The following ADCY4 variants were observed in gnomAD, a reference collection of about 807,000 sequenced individuals.
The protein encoded by ADCY4 is adenylate cyclase 4.
A neutral mutation model predicts 125.5 loss-of-function variants in ADCY4; 111 were observed. The observed-to-expected ratio is 0.88, with a 90% CI of 0.76 to 1.04. The LOEUF is 1.04. Among genes scored for constraint, ADCY4 ranks in the 50% least tolerant of loss-of-function variants. The pLI is 0.00. For missense variants in ADCY4, 1,256 were observed against 1,382.9 expected, an observed-to-expected ratio of 0.91 and a Z score of 1.46; for synonymous variants, 576 against 586.9, an observed-to-expected ratio of 0.98 and a Z score of 0.27.
intron 14 of ADCY4, among the ~76,000 whole-genome samples, 169 bp from the exon 15 acceptor site, chr14:24,324,560 T>C (rs1026188200): frequency 2.1e-4 from 32 of 151,858 alleles, no homozygotes; most frequent in African/African-American, 7.0e-4. Context: ...ATGATCTGGG[T>C]TGGCTGGCTT....
chr14:24,325,573 GC>G lies in ADCY4; in HGVS notation c.1726-100del, dbSNP rs912289347. ...AAGGGGTGGGCTCCTCAGCCTCACCGCCCAGGCTCCAGTTCAGTTCCATGTA... is the reference window on the plus strand; with the variant it reads ...AAGGGGTGGGCTCCTCAGCCTCACCGCCAGGCTCCAGTTCAGTTCCATGTA... On this transcript the variant is annotated intron_variant, in intron 13 of 24. Transcript: ENST00000418030. 21 of 1,107,198 alleles carry G rather than the reference GC, an allele frequency of 1.9e-5. No homozygotes were observed. In the African/African-American group the frequency reaches 3.0e-4, roughly 16 times the overall value. The allele number at this position is 1,107,198 out of a possible 1,614,324, so 68.6% of individuals were successfully genotyped here. A position where few individuals can be genotyped will look rare whatever the true frequency, so the allele number is the denominator to read the frequency against.
At position 24,318,406 on chromosome 14, in the gene ADCY4, G is replaced by A. The variant is rs753111349; in HGVS notation, c.*10C>T. On this transcript the variant is annotated 3_prime_UTR_variant, in exon 25 of 25. Transcript: ENST00000418030. Reference sequence around the variant, plus strand: ...CTCTTTATTGAGGTTCTTAGAAGGCGAGTGCAATCTCAGCCTAGGGTAGCT... The same window carrying A: ...CTCTTTATTGAGGTTCTTAGAAGGCAAGTGCAATCTCAGCCTAGGGTAGCT... 9 of 1,613,484 alleles carry A rather than the reference G, an allele frequency of 5.6e-6. No individual in the cohort carries two copies. In the East Asian group the frequency reaches 8.9e-5, roughly 16 times the overall value.
chr14:24,319,726 C>T lies in ADCY4; in HGVS notation c.2733+16G>A. 1 of 1,613,994 alleles carries T rather than the reference C, an allele frequency of 6.2e-7. No homozygotes were observed. Among genetic ancestry groups the T allele is most frequent in the Non-Finnish European group, 8.5e-7 (1 of 1,179,986 alleles). ...AATCTAGGACATAGGGTCTGGGAGA[C>T]TCTTGGAATTTTCACCTCATCAAAA... On this transcript the variant is annotated intron_variant, in intron 21 of 24. Coordinates refer to ENST00000418030, the MANE Select transcript of ADCY4 (RefSeq NM_001198568.2). This position sits in a 1 kb window ranked among gnomAD's most constrained non-coding sequence, Gnocchi z 4.5.
chr14:24,318,891 T>G (rs1016571909), intron 23 of ADCY4, 113 bp from the exon 24 acceptor site: 1 of 1,436,076 alleles, frequency 7.0e-7, no homozygotes, highest in South Asian at 1.2e-5. Flanking sequence ...AGAGGAGGGG[T>G]CTCTAAGGGC....
At chr14:24,322,765 C>T in intron 18 of ADCY4, 57 bp from the exon 19 acceptor site, 2 of 1,588,000 alleles carry the variant, frequency 1.3e-6, no homozygotes, top group Non-Finnish European at 1.7e-6. Context: ...GGCCTTCTCC[C>T]TGCCCCCATG....
At chr14:24,332,392 G>A (rs1736927858) in intron 3 of ADCY4, 130 bp downstream of exon 3, 2 of 1,088,212 alleles carry the variant, frequency 1.8e-6, no homozygotes, top group African/African-American at 1.6e-5. Flanking sequence ...CTCTGCGAAA[G>A]CACGGTTGGG....
chr14:24,326,218 C>A, intron 11 of ADCY4, 53 bp from the exon 12 acceptor site: 1 of 1,613,308 alleles, frequency 6.2e-7, no homozygotes, highest in South Asian at 1.1e-5. Context: ...AGCGTCTGGG[C>A]AAAGCAGGAG....
intron 3 of ADCY4, chr14:24,332,164 G>A (rs2042051336): frequency 2.0e-6 from 1 of 508,566 alleles, no homozygotes; most frequent in African/African-American, 2.0e-5. Context: ...CTTAGGTCTG[G>A]AAACGTTTGC....
chr14:24,319,266 C>T lies in ADCY4; in HGVS notation c.2842-54G>A. The T allele has an allele frequency of 6.2e-7, 1 of 1,612,578 alleles. No homozygotes were observed. Among genetic ancestry groups the T allele is most frequent in the Non-Finnish European group, 8.5e-7 (1 of 1,178,690 alleles). On this transcript the variant is annotated intron_variant, in intron 22 of 24. Transcript: ENST00000418030. This position sits in a 1 kb window ranked among gnomAD's most constrained non-coding sequence, Gnocchi z 4.5. ...GCCAGTGAGGGCACAGGAATAAGTC[C>T]CACTAATAAGCCCATCAATGAGAGC...
At position 24,334,898 on chromosome 14, in the gene ADCY4, G is replaced by T; in HGVS notation, c.-246C>A. On this transcript the variant is annotated 5_prime_UTR_variant, in exon 1 of 25. Transcript: ENST00000418030. ...CCTCCCTCAAACCCGGATTGTAGAG[G>T]TGCCCTAGAAAAGCCTCATCGCCAG... 1 of 486,146 alleles carries T rather than the reference G, an allele frequency of 2.1e-6. No homozygotes were observed. The highest frequency in any genetic ancestry group is 3.6e-6 in the Non-Finnish European group (1 of 277,320). 30.1% of individuals were successfully genotyped at this position (486,146 alleles called of 1,614,324 possible). A position where few individuals can be genotyped will look rare whatever the true frequency, so the allele number is the denominator to read the frequency against.
rs562234308 is a variant in ADCY4 at position 24,326,633 on chromosome 14, C to T, written c.1525-291G>A. On this transcript the variant is annotated intron_variant, in intron 10 of 24. Coordinates refer to ENST00000418030, the MANE Select transcript of ADCY4 (RefSeq NM_001198568.2). ...TGTGTGTGACTGAATCTTGCTCTGT[C>T]ACCAGGCTGGAGTGCAATGGCATGA... 144 of 332,034 alleles carry T rather than the reference C, an allele frequency of 4.3e-4. 1 individual carries two copies. Among genetic ancestry groups the T allele is most frequent in the Admixed American group, 4.0e-3 (102 of 25,680 alleles). The allele number at this position is 332,034 out of a possible 1,614,324, so 20.6% of individuals were successfully genotyped here.
intron 8 of ADCY4, 116 bp from the exon 9 acceptor site, chr14:24,329,649 G>T: frequency 7.0e-7 from 1 of 1,433,456 alleles, no homozygotes; most frequent in Non-Finnish European, 9.2e-7. Flanking sequence ...TTTAAAGATC[G>T]TTCCTGGATG....
At position 24,324,249 on chromosome 14, in the gene ADCY4, C is replaced by T. The variant is rs751545680; in HGVS notation, c.1909-50G>A. The T allele has an allele frequency of 3.1e-6, 5 of 1,614,034 alleles. No homozygotes were observed. The Admixed American group carries it at 8.3e-5, about 27-fold the overall frequency. On this transcript the variant is annotated intron_variant, in intron 15 of 24. Coordinates refer to ENST00000418030, the MANE Select transcript of ADCY4 (RefSeq NM_001198568.2). ...AGCCACGGGGCTGGGGCACCCTCTT[C>T]AGGACAGGTTGTGACCAGGGCTCCG...
At position 24,329,538 on chromosome 14, in the gene ADCY4, A is replaced by T. The variant is rs765820251; in HGVS notation, c.1218-5T>A. The T allele has an allele frequency of 6.6e-7, 1 of 1,517,982 alleles. No homozygotes were observed. Among genetic ancestry groups the T allele is most frequent in the South Asian group, 1.3e-5 (1 of 75,780 alleles). The allele number at this position is 1,517,982 out of a possible 1,614,324, so 94.0% of individuals were successfully genotyped here. A position where few individuals can be genotyped will look rare whatever the true frequency, so the allele number is the denominator to read the frequency against. On this transcript the variant is annotated splice_polypyrimidine_tract_variant and splice_region_variant and intron_variant, in intron 8 of 24. Coordinates refer to ENST00000418030, the MANE Select transcript of ADCY4 (RefSeq NM_001198568.2). ...GCCCCTGTGATGTGCACTCGCCTGGAAGGAGGGAGGCAGTAGGGGTCAGCA... is the reference window on the plus strand; with the variant it reads ...GCCCCTGTGATGTGCACTCGCCTGGTAGGAGGGAGGCAGTAGGGGTCAGCA...
rs760951732 is a variant in ADCY4 at position 24,329,166 on chromosome 14, A to G, written c.1419T>C (p.Arg473=). 6.2e-7 allele frequency: 1 copy of G among 1,613,940 alleles called. No individual in the cohort carries two copies. Among genetic ancestry groups the G allele is most frequent in the Admixed American group, 1.7e-5 (1 of 59,996 alleles). The change falls in exon 10 of 25, where the codon CGT becomes CGC. Residue 473 remains arginine (R), a synonymous_variant. Transcript: ENST00000418030. ...GGTAACGGGTCATCAGCAGTGATGG[A>G]CGCATCTTGAGGCCCTCAAGCGAGG... The part of the protein sequence containing the change: ...LLSSLEGLKM[R]PSLLMTRYLE...
At chr14:24,325,954 G>A in intron 12 of ADCY4, 67 bp from the exon 13 acceptor site, 2 of 1,581,650 alleles carry the variant, frequency 1.3e-6, no homozygotes, top group East Asian at 4.5e-5. Context: ...CAGGAAGAGG[G>A]CAGAGTGAGG....
intron 4 of ADCY4, 53 bp from the exon 5 acceptor site, chr14:24,331,409 C>A (rs2042039052): frequency 6.2e-6 from 10 of 1,603,168 alleles, no homozygotes; most frequent in Non-Finnish European, 7.6e-6. Context: ...AGCCAGGAGG[C>A]CCTGTCCCCC....
At chr14:24,329,604 C>G (rs2042008326) in intron 8 of ADCY4, 71 bp from the exon 9 acceptor site, 1 of 1,493,888 alleles carries the variant, frequency 6.7e-7, no homozygotes, top group Non-Finnish European at 8.9e-7. Context: ...CCCATCACCC[C>G]CATGGCTCCT....
At chr14:24,331,966 G>A (rs2042048335) in intron 3 of ADCY4, 29 bp from the exon 4 acceptor site, 1 of 1,523,632 alleles carries the variant, frequency 6.6e-7, no homozygotes, top group Non-Finnish European at 8.9e-7. Flanking sequence ...CTCAGAGGGC[G>A]CGGGACCCGG....
Sources: gnomAD v4.1 joint callset for allele counts (sites outside exome capture counted in the v4.1 genomes callset) on GRCh38, gnomAD v4.1.1 for gene constraint, Gnocchi (gnomAD v3.1) non-coding constraint, MANE v1.5 for transcripts, NCBI Gene and HGNC (gene_info 2026-07-23, HGNC 2026-07-21) for gene names.